The following DAB1 variants were observed in gnomAD, a reference collection of about 807,000 sequenced individuals.
DAB1 encodes disabled homolog 1.
A neutral mutation model predicts 64.6 loss-of-function variants in DAB1; 15 were observed. The observed-to-expected ratio is 0.23, with a 90% confidence interval of 0.16 to 0.36. The LOEUF is 0.36. DAB1 is among the 10% of genes least tolerant of loss of function. The pLI is 1.00. For synonymous variants in DAB1, 235 were observed against 251.9 expected (o/e 0.93, Z 0.64); for missense variants, 596 against 706.7 (o/e 0.84, Z 1.78).
rs1646680177 is a variant in DAB1 at position 58,012,360 on chromosome 1, C to A, written n.388-128198G>T. Among the ~76,000 whole-genome samples the A allele has an allele frequency of 5.9e-5, 9 of 152,124 alleles. No individual in the cohort carries two copies. The South Asian group carries it at 1.9e-3, about 32-fold the overall frequency. On this transcript the variant is annotated intron_variant and non_coding_transcript_variant, in intron 5 of 20. Coordinates refer to the DAB1 transcript ENST00000485760. The stretch of plus-strand genomic sequence containing the variant: ...GGGGTGACTCAGGGACTCAGGTTGC[C>A]TTCATTATACGTCTCTGACACCCCT...
At chr1:57,933,000 C>A (rs1183180892) in intron 5 of DAB1, among the ~76,000 whole-genome samples, 1 of 152,126 alleles carries the variant, frequency 6.6e-6, no homozygotes, top group Non-Finnish European at 1.5e-5. Flanking sequence ...TGGCATTTTT[C>A]AAAATGGCTC....
At chr1:57,091,441 A>G (rs1653669754) in intron 4 of DAB1, among the ~76,000 whole-genome samples, 1 of 152,156 alleles carries the variant, frequency 6.6e-6, no homozygotes, top group Non-Finnish European at 1.5e-5. Context: ...TATTTCATTC[A>G]TTATCTCATT....
At chr1:57,239,153 T>A (rs1202143653) in intron 2 of DAB1, among the ~76,000 whole-genome samples, 2 of 152,094 alleles carry the variant, frequency 1.3e-5, no homozygotes, top group East Asian at 1.9e-4. Context: ...CCACATAGAC[T>A]TCCACCCAGA....
In DAB1 at chr1:57,650,997, G is replaced by A. The variant is rs143948019; in HGVS notation, n.552-1332C>T. Among the ~76,000 whole-genome samples the A allele has an allele frequency of 2.0e-3, 306 of 152,174 alleles. No individual in the cohort carries two copies. The Middle Eastern group carries it at 0.02, about 10-fold the overall frequency. On this transcript the variant is annotated intron_variant and non_coding_transcript_variant, in intron 6 of 20. Transcript: ENST00000485760. ...TGAGTGTGTGAATGAAGGAACAAAA[G>A]AATTAATTAATGAAATGGACCTGAC...
At chr1:57,546,066 AGTGTGTGTGTGTGT>A (rs61208960) in intron 7 of DAB1, among the ~76,000 whole-genome samples, 1 of 147,368 alleles carries the variant, frequency 6.8e-6, no homozygotes, top group African/African-American at 2.5e-5. Flanking sequence ...AGCAGAGGGG[AGTGTGTGTGTGTGT>A]GTGTGTGTGT....
At chr1:57,113,733 T>C (rs1303413552) in intron 4 of DAB1, among the ~76,000 whole-genome samples, 5 of 152,220 alleles carry the variant, frequency 3.3e-5, no homozygotes, top group Admixed American at 3.3e-4. Flanking sequence ...TATAAGCCAT[T>C]GTAGTTTTGT....
intron 4 of DAB1, among the ~76,000 whole-genome samples, chr1:58,296,170 GAAAA>G (rs1243546915): frequency 1.1e-5 from 1 of 90,786 alleles, no homozygotes. Context: ...AAGAAAGAAA[GAAAA>G]AAGAAAGAAA....
At chr1:58,078,673 T>C (rs1649799336) in intron 5 of DAB1, among the ~76,000 whole-genome samples, 1 of 152,170 alleles carries the variant, frequency 6.6e-6, no homozygotes, top group Non-Finnish European at 1.5e-5. Flanking sequence ...AGACATATGC[T>C]TGAGGTTTCC....
chr1:58,272,710 T>G (rs1437077901), intron 4 of DAB1, among the ~76,000 whole-genome samples: 1 of 151,182 alleles, frequency 6.6e-6, no homozygotes, highest in Non-Finnish European at 1.5e-5. Flanking sequence ...TGGGTGCTCC[T>G]GTATTGGGTG....
intron 1 of DAB1, among the ~76,000 whole-genome samples, chr1:58,538,102 T>G (rs557379520): frequency 6.6e-6 from 1 of 152,330 alleles, no homozygotes; most frequent in South Asian, 2.1e-4. Context: ...TTGGTTCATG[T>G]GGTAGTAAGA....
chr1:57,706,764 T>C (rs575430375), intron 6 of DAB1, among the ~76,000 whole-genome samples: 6 of 152,166 alleles, frequency 3.9e-5, no homozygotes, highest in Admixed American at 3.9e-4. Flanking sequence ...ATTCATGTAT[T>C]AACCACCCCA....
At chr1:57,657,587 C>T (rs554229614) in intron 6 of DAB1, among the ~76,000 whole-genome samples, 47 of 152,288 alleles carry the variant, frequency 3.1e-4, no homozygotes, top group African/African-American at 9.6e-4. Context: ...AGGACAGTGA[C>T]AGCATTCATA....
intron 5 of DAB1, among the ~76,000 whole-genome samples, chr1:58,095,177 G>A (rs1436710825): frequency 1.3e-5 from 2 of 152,164 alleles, no homozygotes; most frequent in African/African-American, 4.8e-5. Flanking sequence ...CCAGCACAGA[G>A]CCTGGCTCAC....
At chr1:58,084,689 T>A (rs1475487554) in intron 5 of DAB1, 1 of 152,538 alleles carries the variant, frequency 6.6e-6, no homozygotes, top group Non-Finnish European at 1.5e-5. Flanking sequence ...CCTGGGCACA[T>A]CTCTCTGGTC....
intron 5 of DAB1, among the ~76,000 whole-genome samples, chr1:58,091,499 G>A (rs890537032): frequency 2.6e-5 from 4 of 152,032 alleles, no homozygotes; most frequent in African/African-American, 4.8e-5. Flanking sequence ...CTGTGAACTA[G>A]GCAGTATTAG....
At chr1:57,777,872 A>C (rs1193619906) in intron 6 of DAB1, among the ~76,000 whole-genome samples, 1 of 152,058 alleles carries the variant, frequency 6.6e-6, no homozygotes, top group Non-Finnish European at 1.5e-5. Flanking sequence ...TTAGTTACTG[A>C]ATTCTAGATT....
At chr1:57,281,064 G>A (rs534748648) in intron 2 of DAB1, among the ~76,000 whole-genome samples, 4 of 152,084 alleles carry the variant, frequency 2.6e-5, no homozygotes, top group Admixed American at 1.3e-4. Context: ...TTTCGTGGCC[G>A]TAAGTTCATT....
chr1:58,216,728 G>A (rs1407783574), intron 4 of DAB1, among the ~76,000 whole-genome samples: 1 of 152,148 alleles, frequency 6.6e-6, no homozygotes, highest in East Asian at 1.9e-4. Flanking sequence ...CATTCTAACT[G>A]GCATGAGATG....
At chr1:58,134,051 T>C (rs546990837) in intron 5 of DAB1, among the ~76,000 whole-genome samples, 1 of 152,232 alleles carries the variant, frequency 6.6e-6, no homozygotes, top group Non-Finnish European at 1.5e-5. Flanking sequence ...CCATTTTCCC[T>C]GTTTGAGCCT....
Sources: allele counts gnomAD v4.1 joint callset (sites outside exome capture counted in the v4.1 genomes callset), GRCh38; gene constraint gnomAD v4.1.1; transcripts MANE v1.5; gene names NCBI Gene and HGNC (gene_info 2026-07-23, HGNC 2026-07-21).